The following MGAT1 variants were observed in gnomAD, a reference collection of about 807,000 sequenced individuals.
MGAT1 encodes the protein alpha-1,3-mannosyl-glycoprotein 2-beta-N-acetylglucosaminyltransferase.
MGAT1 carries 14 observed loss-of-function variants against 31.7 expected under a neutral mutation model. The observed-to-expected ratio is 0.44, with a 90% CI of 0.29 to 0.69. The LOEUF (loss-of-function observed/expected upper bound fraction) is 0.69. MGAT1 is among the 30% of genes least tolerant of loss of function. The pLI, the probability that MGAT1 is intolerant of heterozygous loss-of-function variation, is 0.12. For missense variants in MGAT1, 557 were observed against 626.0 expected (o/e 0.89, Z 1.18); for synonymous variants, 338 against 276.0 (o/e 1.22, Z -2.23).
In MGAT1 at chr5:180,788,468, G is replaced by A. The variant is rs1414286112; in HGVS notation, c.*3166C>T. On this transcript the variant is annotated 3_prime_UTR_variant, in exon 2 of 2. Transcript: ENST00000307826. ...TGGAAGAGGCCGTAAAGGCTGGAAT[G>A]GAACAGTCCAGCCTCACACAGTGGC... 2 of 152,394 alleles carry A rather than the reference G, an allele frequency of 1.3e-5. No homozygotes were observed. Among genetic ancestry groups the A allele is most frequent in the South Asian group, 2.1e-4 (1 of 4,836 alleles). The allele number at this position is 152,394 out of a possible 1,614,324, so 9.4% of individuals were successfully genotyped here.
Position 180,791,551 on chromosome 5 carries a change from G to A in MGAT1, c.*83C>T. ...TAAATGCACCTAAGAGGGAAACACA[G>A]GCAGGCCGATGCAGCCTGGGGACTG... On this transcript the variant is annotated 3_prime_UTR_variant, in exon 2 of 2. Coordinates refer to ENST00000307826, the MANE Select transcript of MGAT1 (RefSeq NM_002406.4). The A allele has an allele frequency of 6.7e-7, 1 of 1,494,404 alleles. No individual in the cohort carries two copies. The highest frequency in any genetic ancestry group is 9.0e-7 in the Non-Finnish European group (1 of 1,106,362). The allele number at this position is 1,494,404 out of a possible 1,614,324, so 92.6% of individuals were successfully genotyped here.
upstream of MGAT1, among the ~76,000 whole-genome samples, chr5:180,805,514 G>C (rs1457753766): frequency 6.6e-6 from 1 of 152,082 alleles, no homozygotes; most frequent in African/African-American, 2.4e-5. Context: ...CACTTTAGGA[G>C]ACCAACGCAG....
In MGAT1 at chr5:180,787,515, T is replaced by C. The variant is rs1767648813; in HGVS notation, c.*4119A>G. On this transcript the variant is annotated 3_prime_UTR_variant, in exon 2 of 2. Coordinates refer to ENST00000307826, the MANE Select transcript of MGAT1 (RefSeq NM_002406.4). ...TACATAACACTATGGGTTTTGGTGG[T>C]AAATGTTTTATCTATGCATATTATG... 6.6e-6 allele frequency: 1 copy of C among 152,212 alleles called. No individual in the cohort carries two copies. Among genetic ancestry groups the C allele is most frequent in the African/African-American group, 2.4e-5 (1 of 41,446 alleles). 9.4% of individuals were successfully genotyped at this position (152,212 alleles called of 1,614,324 possible).
intron 1 of MGAT1, among the ~76,000 whole-genome samples, chr5:180,815,193 G>C (rs192568458): frequency 1.4e-3 from 211 of 152,198 alleles, no homozygotes; most frequent in African/African-American, 4.3e-3. Flanking sequence ...AAAGCCGCCA[G>C]TTCTCCCATG....
rs765828403 is a variant in MGAT1, at chr5:180,792,977, C to A, written c.-6G>T. ...GCAGACTGCTTCTTCAGCATCCTGGCCCCCACCGGGGAGGGCAGGCCAGGG... is the reference window on the plus strand; with the variant it reads ...GCAGACTGCTTCTTCAGCATCCTGGACCCCACCGGGGAGGGCAGGCCAGGG... On this transcript the variant is annotated 5_prime_UTR_variant, in exon 2 of 2. Transcript: ENST00000307826. 3 of 1,612,858 alleles carry A rather than the reference C, an allele frequency of 1.9e-6. No individual in the cohort carries two copies. The highest frequency in any genetic ancestry group is 2.5e-6 in the Non-Finnish European group (3 of 1,179,822).
At chr5:180,793,127 C>T in intron 1 of MGAT1, 30 bp from the exon 2 acceptor site, 1 of 896,104 alleles carries the variant, frequency 1.1e-6, no homozygotes, top group South Asian at 1.8e-5. Context: ...AGCAAACCGT[C>T]ACACAAAGGC....
chr5:180,791,716 A>G lies in MGAT1; in HGVS notation c.1256T>C (p.Ile419Thr), dbSNP rs1352259658. The G allele has an allele frequency of 6.2e-7, 1 of 1,613,872 alleles. No homozygotes were observed. Among genetic ancestry groups the G allele is most frequent in the Non-Finnish European group, 8.5e-7 (1 of 1,180,022 alleles). The change falls in exon 2 of 2, where the codon ATT becomes ACT. Residue 419 changes from isoleucine to threonine, a missense_variant. Transcript: ENST00000307826. Reference sequence around the variant, plus strand: ...GCGGCCCCGGAACTGGAAGGTGACAATACCCCGGTAGCCAGCTCTCGGAAC... The same window carrying G: ...GCGGCCCCGGAACTGGAAGGTGACAGTACCCCGGTAGCCAGCTCTCGGAAC... The part of the protein sequence containing the change: ...SGVPRAGYRG[I>T]VTFQFRGRRV...
chr5:180,815,148 T>C (rs2113624976), intron 1 of MGAT1, among the ~76,000 whole-genome samples: 1 of 152,084 alleles, frequency 6.6e-6, no homozygotes, highest in Admixed American at 6.5e-5. Flanking sequence ...CTGAGCGTGC[T>C]AAGGTGCTAG....
intron 1 of MGAT1, among the ~76,000 whole-genome samples, chr5:180,802,259 A>T (rs1428846535): frequency 1.3e-5 from 2 of 152,136 alleles, no homozygotes; most frequent in Non-Finnish European, 2.9e-5. Context: ...ATATTTCAAC[A>T]CTGAATCAAC....
intron 1 of MGAT1, among the ~76,000 whole-genome samples, chr5:180,801,633 G>A (rs1770787272): frequency 6.6e-6 from 1 of 152,238 alleles, no homozygotes. Context: ...TGAGGCCTGG[G>A]ATTCAGGCGA....
Position 180,791,518 on chromosome 5 carries a change from C to CA in MGAT1, c.*115dup, listed in dbSNP as rs1249201683. 24 of 1,334,570 alleles carry CA rather than the reference C, an allele frequency of 1.8e-5. No individual in the cohort carries two copies. The highest frequency in any genetic ancestry group is 2.5e-5 in the Non-Finnish European group (24 of 970,386). The allele number at this position is 1,334,570 out of a possible 1,614,324, so 82.7% of individuals were successfully genotyped here. On this transcript the variant is annotated 3_prime_UTR_variant, in exon 2 of 2. Transcript: ENST00000307826. ...GCACTTAAATGCCACTCGGAAAAAT[C>CA]AAAAAGATAAATGCACCTAAGAGGG...
intron 1 of MGAT1, among the ~76,000 whole-genome samples, chr5:180,797,886 C>T (rs758943056): frequency 5.9e-5 from 9 of 152,244 alleles, no homozygotes; most frequent in Non-Finnish European, 7.3e-5. Context: ...TACTGTTTAT[C>T]CACGTAGTTC....
rs1452829780 is a variant in MGAT1 at position 180,786,284 on chromosome 5, CCA to C, written c.*5348_*5349del. 1 of 152,218 alleles carries C rather than the reference CCA, an allele frequency of 6.6e-6. No homozygotes were observed. Among genetic ancestry groups the C allele is most frequent in the Non-Finnish European group, 1.5e-5 (1 of 68,084 alleles). The allele number at this position is 152,218 out of a possible 1,614,324, so 9.4% of individuals were successfully genotyped here. On this transcript the variant is annotated 3_prime_UTR_variant, in exon 2 of 2. Coordinates refer to ENST00000307826, the MANE Select transcript of MGAT1 (RefSeq NM_002406.4). ...CAGTAGGACAGGTTTCTCAAACAAC[CCA>C]CTAGGGTTAGGGGCCCGCAGGTTTC... is the stretch of plus-strand genomic sequence containing the variant.
chr5:180,798,920 A>T (rs1770089389), intron 1 of MGAT1, among the ~76,000 whole-genome samples: 1 of 152,212 alleles, frequency 6.6e-6, no homozygotes, highest in South Asian at 2.1e-4. Flanking sequence ...ATGGAAGTAC[A>T]AAGTTACTCA....
At chr5:180,798,117 C>G (rs1175944770) in intron 1 of MGAT1, among the ~76,000 whole-genome samples, 1 of 152,220 alleles carries the variant, frequency 6.6e-6, no homozygotes, top group Non-Finnish European at 1.5e-5. Context: ...AGGCATCACC[C>G]TACGTTTTGC....
At chr5:180,802,823 ACGGCCGGG>A (rs1344255314), upstream of MGAT1, 2 of 150,986 alleles carry the variant, frequency 1.3e-5, no homozygotes, top group African/African-American at 4.9e-5. Flanking sequence ...CCGGGGCCGG[ACGGCCGGG>A]CGGGCAACGT....
intron 1 of MGAT1, among the ~76,000 whole-genome samples, chr5:180,814,380 A>G (rs1220793303): frequency 3.9e-5 from 6 of 152,174 alleles, no homozygotes; most frequent in African/African-American, 1.4e-4. Flanking sequence ...TTCTTCTGAC[A>G]CACTTCTCTT....
chr5:180,786,602 AGGAGGC>A lies in MGAT1; in HGVS notation c.*5026_*5031del, dbSNP rs1238029623. On this transcript the variant is annotated 3_prime_UTR_variant, in exon 2 of 2. Transcript: ENST00000307826. ...GCGCTCTGTGAGCTTCCAAGAGAGG[AGGAGGC>A]AGCTGCCATCCACCCTTTACCTTCT... The A allele has an allele frequency of 6.6e-6, 1 of 152,360 alleles. No homozygotes were observed. The highest frequency in any genetic ancestry group is 1.9e-4 in the East Asian group (1 of 5,204). 9.4% of individuals were successfully genotyped at this position (152,360 alleles called of 1,614,324 possible).
At chr5:180,812,933 T>C (rs623880) in intron 1 of MGAT1, among the ~76,000 whole-genome samples, 27,319 of 151,918 alleles carry the variant, frequency 0.18, 2,847 homozygotes, top group African/African-American at 0.3. Context: ...TAGAAATAAG[T>C]TTATGAAAAA....
Sources: gnomAD v4.1 joint callset for allele counts (sites outside exome capture counted in the v4.1 genomes callset) on GRCh38, gnomAD v4.1.1 for gene constraint, MANE v1.5 for transcripts, NCBI Gene and HGNC (gene_info 2026-07-23, HGNC 2026-07-21) for gene names.